Variants in HECTD4 observed in about 807,000 individuals in gnomAD.
HECTD4 encodes HECT domain E3 ubiquitin protein ligase 4.
A neutral mutation model predicts 471.5 loss-of-function variants in HECTD4; 114 were observed. That is an observed-to-expected ratio of 0.24 (90% CI 0.21 to 0.28). The LOEUF (loss-of-function observed/expected upper bound fraction) is 0.28, where lower values mean the gene tolerates loss of function less well. HECTD4 is among the 10% of genes least tolerant of loss of function. HECTD4 has a pLI of 1.00. For missense variants in HECTD4, 3,866 were observed against 5,651.5 expected, an observed-to-expected ratio of 0.68 and a Z score of 10.13; for synonymous variants, 2,012 against 2,256.0, an observed-to-expected ratio of 0.89 and a Z score of 3.07.
chr12:112,201,022 T>A (rs2032412932), intron 54 of HECTD4: 5 of 589,426 alleles, frequency 8.5e-6, no homozygotes, highest in South Asian at 6.7e-5. Flanking sequence ...TAAGTAATCT[T>A]ATTACTATAT....
intron 70 of HECTD4, among the ~76,000 whole-genome samples, chr12:112,168,244 C>A (rs1308639452): frequency 6.6e-6 from 1 of 152,224 alleles, no homozygotes; most frequent in Non-Finnish European, 1.5e-5. Context: ...ACACAGGCAA[C>A]CTCTCACAGC....
intron 54 of HECTD4, 82 bp downstream of exon 54, chr12:112,203,553 CT>C: frequency 1.3e-5 from 15 of 1,187,002 alleles, no homozygotes; most frequent in Non-Finnish European, 1.8e-5. Flanking sequence ...TGTATAATCA[CT>C]TTTTAAGGTA....
chr12:112,270,332 C>T lies in HECTD4; in HGVS notation c.2070G>A (p.Gln690=), dbSNP rs780751973. Residue 690 remains glutamine, a synonymous_variant, in exon 12 of 76, where the codon CAG becomes CAA. Coordinates refer to ENST00000682272, the MANE Select transcript of HECTD4 (RefSeq NM_001388303.1). ...TAAGATGATGTGCTTCAATTGGATG[C>T]TGCTTGCCCAAGACACTTGTGATTG... is the stretch of plus-strand genomic sequence containing the variant. ...NLPITSVLGK[Q]HPIEAHHLSS... is the part of the protein sequence containing the mutation. 5 of 1,613,930 alleles carry T rather than the reference C, an allele frequency of 3.1e-6. No individual in the cohort carries two copies. In the African/African-American group the frequency reaches 5.3e-5, roughly 17 times the overall value.
At chr12:112,246,872 G>T (rs562192351) in intron 29 of HECTD4, 29 bp downstream of exon 29, 1 of 1,591,122 alleles carries the variant, frequency 6.3e-7, no homozygotes, top group East Asian at 2.2e-5. Context: ...TATAACAGAA[G>T]CCGATTAGGG....
intron 1 of HECTD4, among the ~76,000 whole-genome samples, chr12:112,375,047 A>T (rs1299466989): frequency 6.6e-6 from 1 of 152,074 alleles, no homozygotes; most frequent in East Asian, 1.9e-4. Flanking sequence ...AAGTTTCTTC[A>T]TGCTCCTTTA....
In HECTD4 at chr12:112,235,923, G is replaced by A; in HGVS notation, c.5445-139C>T. ...CATGAATGTGGCACTATGCTTCTGT[G>A]AAGAATTAAGAATTTTGGAAACATT... On this transcript the variant is annotated intron_variant, in intron 35 of 75. Transcript: ENST00000682272. The surrounding 1 kb of genome is among the most constrained non-coding windows in gnomAD (Gnocchi z 5.0). 1 of 726,742 alleles carries A rather than the reference G, an allele frequency of 1.4e-6. No individual in the cohort carries two copies. The highest frequency in any genetic ancestry group is 2.2e-6 in the Non-Finnish European group (1 of 457,158). 45.0% of individuals were successfully genotyped at this position (726,742 alleles called of 1,614,324 possible).
intron 35 of HECTD4, 76 bp downstream of exon 35, chr12:112,236,869 C>T (rs2033519625): frequency 1.5e-6 from 2 of 1,340,574 alleles, no homozygotes; most frequent in Admixed American, 6.1e-5. Flanking sequence ...GAAAAGACAA[C>T]CACCACCAAA....
At chr12:112,171,405 G>T in intron 67 of HECTD4, 142 bp from the exon 68 acceptor site, 1 of 1,358,596 alleles carries the variant, frequency 7.4e-7, no homozygotes, top group Non-Finnish European at 9.9e-7. Flanking sequence ...GTCAGTGAGT[G>T]AGCGGCCCCC....
intron 9 of HECTD4, 97 bp downstream of exon 9, chr12:112,279,131 T>A: frequency 9.5e-7 from 1 of 1,049,836 alleles, no homozygotes; most frequent in Middle Eastern, 2.7e-4. Context: ...TGCAAACAAC[T>A]ATTTAACAAA....
chr12:112,200,920 G>C, intron 54 of HECTD4, 122 bp from the exon 55 acceptor site: 1 of 832,764 alleles, frequency 1.2e-6, no homozygotes, highest in Non-Finnish European at 1.8e-6. Context: ...TGTATTTTCA[G>C]TCCAGGCTTT....
chr12:112,285,008 T>A (rs1372012279), intron 7 of HECTD4, among the ~76,000 whole-genome samples: 3 of 152,012 alleles, frequency 2.0e-5, no homozygotes, highest in African/African-American at 7.2e-5. Flanking sequence ...ATTTTTGTAT[T>A]AATATTTTTT....
At chr12:112,182,040 C>A (rs1346148081) in intron 62 of HECTD4, among the ~76,000 whole-genome samples, 1 of 151,952 alleles carries the variant, frequency 6.6e-6, no homozygotes, top group Non-Finnish European at 1.5e-5. Flanking sequence ...TTGCAGTGAG[C>A]TGAGATTGTA....
At position 112,252,532 on chromosome 12, in the gene HECTD4, A is replaced by C. The variant is rs745483048; in HGVS notation, c.3448-4T>G. On this transcript the variant is annotated splice_polypyrimidine_tract_variant and splice_region_variant and intron_variant, in intron 22 of 75. Transcript: ENST00000682272. ...AGGTGACTGTATCTCCTTCCACCTTAAAATTTAAGGAAGGGGGGGAAATGC... is the reference window on the plus strand; with the variant it reads ...AGGTGACTGTATCTCCTTCCACCTTCAAATTTAAGGAAGGGGGGGAAATGC... 6.2e-7 allele frequency: 1 copy of C among 1,608,114 alleles called. No homozygotes were observed. Among genetic ancestry groups the C allele is most frequent in the South Asian group, 1.1e-5 (1 of 89,934 alleles).
intron 7 of HECTD4, among the ~76,000 whole-genome samples, chr12:112,305,346 G>A (rs1190368521): frequency 6.6e-6 from 1 of 151,996 alleles, no homozygotes; most frequent in Non-Finnish European, 1.5e-5. Context: ...AGCCACTCTG[G>A]CCCACTTTTT....
At chr12:112,369,732 T>C (rs775650616) in intron 1 of HECTD4, among the ~76,000 whole-genome samples, 1 of 152,092 alleles carries the variant, frequency 6.6e-6, no homozygotes, top group African/African-American at 2.4e-5. Flanking sequence ...GGGACTATAA[T>C]TGGTAATCAC....
intron 46 of HECTD4, 22 bp from the exon 47 acceptor site, chr12:112,216,943 G>T: frequency 6.2e-7 from 1 of 1,610,342 alleles, no homozygotes; most frequent in East Asian, 2.2e-5. Context: ...CCAGAAGAGA[G>T]CAGCAATCAG....
chr12:112,330,480 T>A (rs2035827119), intron 1 of HECTD4, among the ~76,000 whole-genome samples: 1 of 152,216 alleles, frequency 6.6e-6, no homozygotes, highest in Non-Finnish European at 1.5e-5. Context: ...AAATATATTA[T>A]GGTAAGAAAA....
intron 53 of HECTD4, among the ~76,000 whole-genome samples, chr12:112,204,137 G>T (rs2032508679): frequency 1.3e-5 from 2 of 152,244 alleles, no homozygotes; most frequent in Admixed American, 1.3e-4. Flanking sequence ...CCGCCTCCCA[G>T]GTTCAAGTGA....
At chr12:112,282,778 T>C (rs1422582044) in intron 8 of HECTD4, among the ~76,000 whole-genome samples, 2 of 152,222 alleles carry the variant, frequency 1.3e-5, no homozygotes, top group African/African-American at 2.4e-5. Context: ...CAAGACTGTA[T>C]TTAGGGAAGA....
Sources: gnomAD v4.1 joint callset for allele counts (sites outside exome capture counted in the v4.1 genomes callset) on GRCh38, gnomAD v4.1.1 for gene constraint, Gnocchi (gnomAD v3.1) non-coding constraint, MANE v1.5 for transcripts, NCBI Gene and HGNC (gene_info 2026-07-23, HGNC 2026-07-21) for gene names.